Variants in EFCAB7 observed in about 807,000 individuals in gnomAD.
The protein encoded by EFCAB7 is EF-hand calcium binding domain 7.
Under a neutral mutation model 77.1 loss-of-function variants are expected in EFCAB7, and 66 were observed. The ratio of observed to expected loss-of-function variants is 0.86; its 90% CI spans 0.70 to 1.05. The LOEUF is 1.05. Ranked by LOEUF, EFCAB7 falls within the 50% of genes least tolerant of loss-of-function variation. The pLI, the probability that EFCAB7 is intolerant of heterozygous loss-of-function variation, is 0.00. For synonymous variants in EFCAB7, 225 were observed against 243.3 expected (o/e 0.92, Z 0.70); for missense variants, 638 against 730.5 (o/e 0.87, Z 1.46).
At chr1:63,547,537 GA>G (rs1258974499) in intron 7 of EFCAB7, 5 of 152,160 alleles carry the variant, frequency 3.3e-5, no homozygotes, top group Admixed American at 3.3e-4. Context: ...GGTGTCATAT[GA>G]ATAAAGACTT....
At chr1:63,542,067 C>A (rs994030798) in intron 6 of EFCAB7, among the ~76,000 whole-genome samples, 1 of 152,122 alleles carries the variant, frequency 6.6e-6, no homozygotes, top group Non-Finnish European at 1.5e-5. Context: ...ACTTTTTCAT[C>A]TGGAACTCTA....
At chr1:63,562,449 TTA>T (rs869302346) in intron 11 of EFCAB7, among the ~76,000 whole-genome samples, 516 of 22,390 alleles carry the variant, frequency 0.023, 1 homozygote, top group Admixed American at 0.04. Context: ...CTTAATTTAT[TTA>T]TATATATATA....
Position 63,525,605 on chromosome 1 carries a change from C to G in EFCAB7, c.33C>G (p.Phe11Leu), listed in dbSNP as rs1314325768. The change falls in exon 2 of 14, where the codon TTC (phenylalanine) becomes TTG (leucine). Residue 11 changes from phenylalanine (F) to leucine (L), a missense_variant. Physicochemically the swap from Phe to Leu is conservative, Grantham distance 22 (BLOSUM62 0). Coordinates refer to ENST00000371088, the MANE Select transcript of EFCAB7 (RefSeq NM_032437.4). ...TCAGTCCACGAAGCGATGCAACTTT[C>G]TCCAGTCAGAAATCAACACCTTCAG... MAISPRSDAT[F>L]SSQKSTPSES... 2 of 1,572,308 alleles carry G rather than the reference C, an allele frequency of 1.3e-6. No individual in the cohort carries two copies. Among genetic ancestry groups the G allele is most frequent in the South Asian group, 2.4e-5 (2 of 83,462 alleles).
At chr1:63,542,726 C>T (rs929943818) in intron 6 of EFCAB7, among the ~76,000 whole-genome samples, 1 of 152,094 alleles carries the variant, frequency 6.6e-6, no homozygotes, top group African/African-American at 2.4e-5. Flanking sequence ...AGCATCTCTT[C>T]ATTTGCTTAT....
chr1:63,560,603 G>A (rs907727334), intron 10 of EFCAB7, among the ~76,000 whole-genome samples: 6 of 137,208 alleles, frequency 4.4e-5, no homozygotes, highest in Admixed American at 1.6e-4. Context: ...TGCAACCTCC[G>A]CCTCCCAGGT....
intron 10 of EFCAB7, among the ~76,000 whole-genome samples, chr1:63,557,607 C>G (rs1647047407): frequency 6.6e-6 from 1 of 152,118 alleles, no homozygotes. Context: ...AGCCAAAAAG[C>G]TAGAGTTTTA....
intron 1 of EFCAB7, among the ~76,000 whole-genome samples, chr1:63,524,283 CA>C (rs1363345355): frequency 6.6e-6 from 1 of 152,218 alleles, no homozygotes; most frequent in African/African-American, 2.4e-5. Context: ...TGCATGCACA[CA>C]TATGTGTTTA....
the EFCAB7 span, among the ~76,000 whole-genome samples, chr1:63,580,172 T>G: frequency 1.3e-5 from 2 of 152,196 alleles, no homozygotes; most frequent in Non-Finnish European, 2.9e-5. Flanking sequence ...TTCTTCTGCT[T>G]TCTTCTAAAA....
At chr1:63,582,144 C>A in the EFCAB7 span, among the ~76,000 whole-genome samples, 1 of 152,152 alleles carries the variant, frequency 6.6e-6, no homozygotes, top group Non-Finnish European at 1.5e-5. Flanking sequence ...AATTGCATAT[C>A]AAAGTAAAGA....
At chr1:63,551,120 T>C (rs1468882082) in intron 7 of EFCAB7, 5 of 152,234 alleles carry the variant, frequency 3.3e-5, no homozygotes, top group Admixed American at 2.0e-4. Flanking sequence ...CTCTTTTTTT[T>C]CTGAAAATCT....
At chr1:63,571,648 C>G (rs1047521149) in intron 13 of EFCAB7, among the ~76,000 whole-genome samples, 3 of 115,026 alleles carry the variant, frequency 2.6e-5, no homozygotes, top group Non-Finnish European at 4.9e-5. Context: ...CCAGCCTGAG[C>G]GACAAGAGTG....
chr1:63,536,249 G>A (rs1220815138), intron 6 of EFCAB7, among the ~76,000 whole-genome samples: 4 of 152,166 alleles, frequency 2.6e-5, no homozygotes, highest in Admixed American at 6.5e-5. Context: ...ATCCTGTTTC[G>A]GATCTTGATA....
chr1:63,576,060 G>C (rs993331070), downstream of EFCAB7, among the ~76,000 whole-genome samples: 4 of 151,920 alleles, frequency 2.6e-5, no homozygotes, highest in African/African-American at 9.7e-5. Flanking sequence ...TAATTTCTGG[G>C]GGAAAAAAGA....
At chr1:63,578,170 A>T in the EFCAB7 span, among the ~76,000 whole-genome samples, 1 of 152,158 alleles carries the variant, frequency 6.6e-6, no homozygotes, top group Admixed American at 6.5e-5. Context: ...CCTTGAAGAG[A>T]TAGGAGGGAT....
At chr1:63,537,560 A>G (rs1646778079) in intron 6 of EFCAB7, among the ~76,000 whole-genome samples, 1 of 152,190 alleles carries the variant, frequency 6.6e-6, no homozygotes, top group African/African-American at 2.4e-5. Context: ...GCTCCAGATA[A>G]TAATTTTCTT....
intron 2 of EFCAB7, 37 bp from the exon 3 acceptor site, chr1:63,531,783 T>G (rs762714730): frequency 5.7e-6 from 9 of 1,572,312 alleles, no homozygotes; most frequent in Non-Finnish European, 7.8e-6. Flanking sequence ...AAATTCCAGG[T>G]GTTACAATCA....
chr1:63,584,893 C>T, the EFCAB7 span, among the ~76,000 whole-genome samples: 3 of 152,238 alleles, frequency 2.0e-5, no homozygotes, highest in South Asian at 4.1e-4. Flanking sequence ...GCATTCATAA[C>T]CCCCATATTA....
intron 2 of EFCAB7, 94 bp downstream of exon 2, chr1:63,525,853 T>C: frequency 1.2e-6 from 1 of 845,784 alleles, no homozygotes; most frequent in Non-Finnish European, 1.8e-6. Flanking sequence ...TGTTGAATCA[T>C]CCCAGTTTCT....
chr1:63,523,967 A>G (rs1570359869), intron 1 of EFCAB7, among the ~76,000 whole-genome samples: 1 of 152,054 alleles, frequency 6.6e-6, no homozygotes, highest in Non-Finnish European at 1.5e-5. Flanking sequence ...GTTTGCTGCA[A>G]TGTACTCTCT....
Sources: allele counts gnomAD v4.1 joint callset (sites outside exome capture counted in the v4.1 genomes callset), GRCh38; gene constraint gnomAD v4.1.1; transcripts MANE v1.5; gene names NCBI Gene and HGNC (gene_info 2026-07-23, HGNC 2026-07-21).